Variants in NOS1AP observed in about 807,000 individuals in gnomAD.
The protein encoded by NOS1AP is carboxyl-terminal PDZ ligand of neuronal nitric oxide synthase protein.
A neutral mutation model predicts 56.2 loss-of-function variants in NOS1AP; 21 were observed. That is an observed-to-expected ratio of 0.37 (90% CI 0.26 to 0.54). NOS1AP has a LOEUF of 0.54. Ranked by LOEUF, NOS1AP falls within the 20% of genes least tolerant of loss-of-function variation. NOS1AP has a pLI of 0.84. For synonymous variants in NOS1AP, 270 were observed against 274.6 expected, an observed-to-expected ratio of 0.98 and a Z score of 0.17; for missense variants, 522 against 657.8, an observed-to-expected ratio of 0.79 and a Z score of 2.26.
At chr1:162,143,760 C>T (rs189356868) in intron 1 of NOS1AP, among the ~76,000 whole-genome samples, 12 of 152,256 alleles carry the variant, frequency 7.9e-5, no homozygotes, top group Non-Finnish European at 1.6e-4. Context: ...TCATGTCTGG[C>T]CCATCTAATT....
chr1:162,177,859 A>G (rs1300804196), intron 2 of NOS1AP, among the ~76,000 whole-genome samples: 1 of 152,140 alleles, frequency 6.6e-6, no homozygotes. Context: ...TATCACTCAG[A>G]GTTCATAATT....
chr1:162,330,878 G>A (rs914834076), intron 4 of NOS1AP, among the ~76,000 whole-genome samples: 11 of 152,158 alleles, frequency 7.2e-5, no homozygotes, highest in Admixed American at 1.3e-4. Context: ...AGTCTGCAAG[G>A]AACTTGCTCC....
At position 162,224,360 on chromosome 1, in the gene NOS1AP, C is replaced by G. The variant is rs142891561; in HGVS notation, c.178-62984C>G. 4.6e-5 allele frequency among the ~76,000 whole-genome samples: 7 copies of G among 152,272 alleles called. No individual in the cohort carries two copies. In the Middle Eastern group the frequency reaches 0.017, roughly 370 times the overall value. ...CCCTGCTTCTGACATTCATAATTCT[C>G]CATTTGGTAATGAACTTTCATTACT... On this transcript the variant is annotated intron_variant, in intron 2 of 9. Coordinates refer to ENST00000361897, the MANE Select transcript of NOS1AP (RefSeq NM_014697.3).
At chr1:162,355,673 C>T (rs565949065) in intron 7 of NOS1AP, among the ~76,000 whole-genome samples, 35 of 100,850 alleles carry the variant, frequency 3.5e-4, no homozygotes, top group Non-Finnish European at 9.3e-5. Context: ...TTGCAAGGCT[C>T]ACTCTGGCAC....
intron 2 of NOS1AP, among the ~76,000 whole-genome samples, chr1:162,155,231 TATATACATATAC>T (rs58173039): frequency 3.5e-5 from 5 of 142,810 alleles, no homozygotes; most frequent in Non-Finnish European, 7.6e-5. Flanking sequence ...TATACATATA[TATATACATATAC>T]ATATACACAT....
intron 2 of NOS1AP, among the ~76,000 whole-genome samples, chr1:162,278,964 G>A (rs1269524434): frequency 6.6e-6 from 1 of 152,150 alleles, no homozygotes. Context: ...ATTTAGAGGA[G>A]TTTAGAGGAC....
intron 2 of NOS1AP, among the ~76,000 whole-genome samples, chr1:162,248,704 G>C (rs1432947484): frequency 6.6e-6 from 1 of 152,136 alleles, no homozygotes; most frequent in Non-Finnish European, 1.5e-5. Context: ...CAACAGATGA[G>C]TGTCGGTCAT....
chr1:162,233,594 T>A (rs1306018172), intron 2 of NOS1AP, among the ~76,000 whole-genome samples: 1 of 152,184 alleles, frequency 6.6e-6, no homozygotes. Flanking sequence ...CTATACCCAA[T>A]AGCAGTCACT....
intron 5 of NOS1AP, among the ~76,000 whole-genome samples, chr1:162,341,784 G>C (rs1169869609): frequency 2.0e-5 from 3 of 152,216 alleles, no homozygotes; most frequent in Non-Finnish European, 4.4e-5. Flanking sequence ...TCGGATGTAG[G>C]AGCCTTTACT....
rs61378473 is a variant in NOS1AP at position 162,217,267 on chromosome 1, C to CTTT, written c.177+62803_177+62805dup. On this transcript the variant is annotated intron_variant, in intron 2 of 9. Coordinates refer to ENST00000361897, the MANE Select transcript of NOS1AP (RefSeq NM_014697.3). The stretch of plus-strand genomic sequence containing the variant: ...TGGGTCCTGAAACAGCTGTTGTTAG[C>CTTT]TTTTTTTTTTTTTTGAGATGAAGTC... Among the ~76,000 whole-genome samples, 15 of 68,400 alleles carry CTTT rather than the reference C, an allele frequency of 2.2e-4. 4 individuals are homozygous for CTTT. The highest frequency in any genetic ancestry group is 0.015 in the Middle Eastern group (1 of 68). The allele number at this position is 68,400 out of a possible 152,430, so 44.9% of individuals were successfully genotyped here.
chr1:162,248,628 C>T (rs1233528278), intron 2 of NOS1AP, among the ~76,000 whole-genome samples: 1 of 152,070 alleles, frequency 6.6e-6, no homozygotes, highest in Non-Finnish European at 1.5e-5. Context: ...GGGGTTATGG[C>T]CTGGACCATG....
intron 2 of NOS1AP, among the ~76,000 whole-genome samples, chr1:162,242,425 C>T (rs1449885649): frequency 6.6e-6 from 1 of 152,204 alleles, no homozygotes; most frequent in Non-Finnish European, 1.5e-5. Flanking sequence ...AGAAGTCCAA[C>T]TAGCCTGACA....
chr1:162,076,677 C>T (rs1691775921), intron 1 of NOS1AP, among the ~76,000 whole-genome samples: 2 of 152,112 alleles, frequency 1.3e-5, no homozygotes, highest in South Asian at 2.1e-4. Context: ...ACTAGCCTGG[C>T]CATCATGGTG....
At chr1:162,344,455 G>A (rs1398323189) in intron 6 of NOS1AP, among the ~76,000 whole-genome samples, 1 of 151,884 alleles carries the variant, frequency 6.6e-6, no homozygotes, top group Non-Finnish European at 1.5e-5. Context: ...TAGCACTTTG[G>A]GAGGCTGAGA....
At chr1:162,264,724 C>T (rs1413641714) in intron 2 of NOS1AP, among the ~76,000 whole-genome samples, 1 of 150,204 alleles carries the variant, frequency 6.7e-6, no homozygotes, top group Non-Finnish European at 1.5e-5. Flanking sequence ...CCAGGCTGGT[C>T]TCGAACTCCT....
At position 162,069,956 on chromosome 1, in the gene NOS1AP, C is replaced by A; in HGVS notation, c.-222C>A. On this transcript the variant is annotated 5_prime_UTR_variant, in exon 1 of 10. Transcript: ENST00000361897. ...CTCCTAGCCGGCAGGAATTGCGCGA[C>A]CACAGCGCCGCTCGCGTCGCCCGCA... The A allele has an allele frequency of 3.9e-6, 1 of 253,720 alleles. No individual in the cohort carries two copies. Among genetic ancestry groups the A allele is most frequent in the Non-Finnish European group, 7.5e-6 (1 of 134,136 alleles). 15.7% of individuals were successfully genotyped at this position (253,720 alleles called of 1,614,324 possible). A position where few individuals can be genotyped will look rare whatever the true frequency, so the allele number is the denominator to read the frequency against.
intron 4 of NOS1AP, among the ~76,000 whole-genome samples, chr1:162,311,340 T>C (rs1656020576): frequency 6.6e-6 from 1 of 152,230 alleles, no homozygotes; most frequent in African/African-American, 2.4e-5. Flanking sequence ...ATATGTATTC[T>C]TTATCTTTCC....
intron 3 of NOS1AP, among the ~76,000 whole-genome samples, chr1:162,296,915 G>A (rs1655484100): frequency 6.6e-6 from 1 of 152,178 alleles, no homozygotes; most frequent in African/African-American, 2.4e-5. Flanking sequence ...TGTTACTGGG[G>A]CTCAGCCTAG....
At chr1:162,264,071 C>T (rs993962439) in intron 2 of NOS1AP, among the ~76,000 whole-genome samples, 1 of 152,218 alleles carries the variant, frequency 6.6e-6, no homozygotes, top group Non-Finnish European at 1.5e-5. Context: ...CTTGCCTCCA[C>T]GCTGAACCTG....
Sources: allele counts gnomAD v4.1 joint callset (sites outside exome capture counted in the v4.1 genomes callset), GRCh38; gene constraint gnomAD v4.1.1; transcripts MANE v1.5; gene names NCBI Gene and HGNC (gene_info 2026-07-23, HGNC 2026-07-21).